FARS2: variants seen among roughly 807,000 people sequenced by gnomAD.
The protein encoded by FARS2 is phenylalanine--tRNA ligase, mitochondrial.
Under a neutral mutation model 46.4 loss-of-function variants are expected in FARS2, and 40 were observed. The ratio of observed to expected loss-of-function variants is 0.86; its 90% CI spans 0.67 to 1.12. FARS2 has a LOEUF of 1.12. FARS2 is among the 50% of genes most tolerant of loss of function. The pLI is 0.00. For missense variants in FARS2, 513 were observed against 567.9 expected (o/e 0.90, Z 0.98); for synonymous variants, 234 against 214.9 (o/e 1.09, Z -0.78).
At chr6:5,341,225 ATATATATATATTTTTTT>A (rs1218168504) in intron 1 of FARS2, among the ~76,000 whole-genome samples, 164 of 4,870 alleles carry the variant, frequency 0.034, 8 homozygotes, top group African/African-American at 0.15. Flanking sequence ...ATATATATAT[ATATATATATATTTTTTT>A]TTTTTTTTTT....
At position 5,762,956 on chromosome 6, in the gene FARS2, C is replaced by A. The variant is rs566556858; in HGVS notation, c.1218-8335C>A. Among the ~76,000 whole-genome samples, 4 of 152,272 alleles carry A rather than the reference C, an allele frequency of 2.6e-5. No homozygotes were observed. In the South Asian group the frequency reaches 6.2e-4, roughly 24 times the overall value. On this transcript the variant is annotated intron_variant, in intron 6 of 6. Transcript: ENST00000274680. The stretch of plus-strand genomic sequence containing the variant: ...GGCCCAGGACAGACCGTTGTGAGAA[C>A]GAGGAGGAGAACCTCCTCTCCTCCT...
At chr6:5,722,670 C>T (rs1158755113) in intron 6 of FARS2, among the ~76,000 whole-genome samples, 5 of 152,104 alleles carry the variant, frequency 3.3e-5, no homozygotes, top group African/African-American at 7.2e-5. Flanking sequence ...TCAAGGGCTA[C>T]ACTGATCGGG....
chr6:5,672,102 C>G (rs1468663266), intron 6 of FARS2, among the ~76,000 whole-genome samples: 1 of 152,180 alleles, frequency 6.6e-6, no homozygotes, highest in Non-Finnish European at 1.5e-5. Flanking sequence ...AGGAATCAGT[C>G]GGTAGCCGTG....
chr6:5,615,661 G>C (rs1775430379), intron 6 of FARS2, among the ~76,000 whole-genome samples: 1 of 151,828 alleles, frequency 6.6e-6, no homozygotes, highest in Non-Finnish European at 1.5e-5. Context: ...TAATTGATCT[G>C]TCAGTGGTGT....
chr6:5,299,299 G>A (rs955312226), intron 1 of FARS2, among the ~76,000 whole-genome samples: 22 of 152,140 alleles, frequency 1.4e-4, no homozygotes. Context: ...CTACACTCCT[G>A]TGTATTTAAA....
intron 1 of FARS2, among the ~76,000 whole-genome samples, chr6:5,281,049 GT>G (rs1441476602): frequency 2.6e-5 from 4 of 152,074 alleles, no homozygotes; most frequent in Non-Finnish European, 5.9e-5. Flanking sequence ...TAAAGATTGG[GT>G]TTACTTTGTA....
chr6:5,755,910 G>T (rs1012185909), intron 6 of FARS2, among the ~76,000 whole-genome samples: 1 of 152,202 alleles, frequency 6.6e-6, no homozygotes, highest in African/African-American at 2.4e-5. Context: ...CACAGACCTG[G>T]AATTTTAATT....
At chr6:5,266,837 T>G (rs1765579889) in intron 1 of FARS2, among the ~76,000 whole-genome samples, 1 of 152,222 alleles carries the variant, frequency 6.6e-6, no homozygotes, top group Non-Finnish European at 1.5e-5. Flanking sequence ...TTAAGATAAA[T>G]TTACATTTTA....
At chr6:5,318,786 G>T (rs1172065154) in intron 1 of FARS2, among the ~76,000 whole-genome samples, 1 of 152,066 alleles carries the variant, frequency 6.6e-6, no homozygotes, top group African/African-American at 2.4e-5. Flanking sequence ...GGGAAGAGTA[G>T]GTCCGCAACC....
intron 6 of FARS2, among the ~76,000 whole-genome samples, chr6:5,718,972 G>A (rs1429529642): frequency 2.6e-5 from 4 of 152,132 alleles, no homozygotes; most frequent in African/African-American, 9.7e-5. Context: ...ATCCCACTTT[G>A]AGCCTGAGTG....
At chr6:5,688,889 G>T (rs1400887606) in intron 6 of FARS2, among the ~76,000 whole-genome samples, 2 of 152,138 alleles carry the variant, frequency 1.3e-5, no homozygotes, top group Non-Finnish European at 2.9e-5. Context: ...GCCTGTTATT[G>T]GTCTATTCAG....
At chr6:5,286,691 A>G (rs1400025373) in intron 1 of FARS2, among the ~76,000 whole-genome samples, 1 of 152,256 alleles carries the variant, frequency 6.6e-6, no homozygotes, top group African/African-American at 2.4e-5. Flanking sequence ...AATGCGATTT[A>G]TAAAATACAT....
chr6:5,573,598 G>A (rs372124443), intron 5 of FARS2, among the ~76,000 whole-genome samples: 3 of 152,052 alleles, frequency 2.0e-5, no homozygotes, highest in East Asian at 3.9e-4. Context: ...TCTTTAGGCC[G>A]CATTCAGACA....
At chr6:5,475,954 G>A (rs117775566) in intron 4 of FARS2, among the ~76,000 whole-genome samples, 60 of 152,240 alleles carry the variant, frequency 3.9e-4, no homozygotes, top group African/African-American at 1.3e-3. Context: ...GTGCCTATCC[G>A]TTGGCCAGGG....
intron 5 of FARS2, among the ~76,000 whole-genome samples, chr6:5,582,338 A>G (rs925663373): frequency 3.9e-5 from 6 of 152,250 alleles, no homozygotes; most frequent in African/African-American, 1.2e-4. Context: ...GTTTAGCAAC[A>G]TAACTGGATG....
intron 6 of FARS2, among the ~76,000 whole-genome samples, chr6:5,732,978 G>A (rs1263052490): frequency 6.6e-6 from 1 of 152,184 alleles, no homozygotes; most frequent in East Asian, 1.9e-4. Context: ...CCCCCGGCTA[G>A]GTGGTGCCCA....
intron 6 of FARS2, among the ~76,000 whole-genome samples, chr6:5,738,107 C>T (rs866995855): frequency 2.0e-5 from 3 of 152,154 alleles, no homozygotes; most frequent in South Asian, 2.1e-4. Context: ...CACACCACCA[C>T]GCCCAGCTAA....
chr6:5,554,602 T>G (rs531741020), intron 5 of FARS2, among the ~76,000 whole-genome samples: 1 of 152,354 alleles, frequency 6.6e-6, no homozygotes, highest in Admixed American at 6.5e-5. Context: ...ATTAATTTGT[T>G]GAGGACCTTA....
chr6:5,368,980 G>T lies in FARS2; in HGVS notation c.410G>T (p.Ser137Ile). 6.2e-7 allele frequency: 1 copy of T among 1,614,150 alleles called. No homozygotes were observed. Among genetic ancestry groups the T allele is most frequent in the East Asian group, 2.2e-5 (1 of 44,874 alleles). ...DSLLIPADHP[S>I]RKKGDNYYLN... ...CTGCTCATCCCAGCTGATCACCCCA[G>T]CAGGAAGAAGGGGGACAACTATTAC... is the stretch of plus-strand genomic sequence containing the variant. Residue 137 changes from serine (S) to isoleucine (I), a missense_variant, in exon 2 of 7, where the codon AGC becomes ATC. Coordinates refer to ENST00000274680, the MANE Select transcript of FARS2 (RefSeq NM_006567.5).
Sources: allele counts gnomAD v4.1 joint callset (sites outside exome capture counted in the v4.1 genomes callset), GRCh38; gene constraint gnomAD v4.1.1; transcripts MANE v1.5; gene names NCBI Gene and HGNC (gene_info 2026-07-23, HGNC 2026-07-21).